Variants in FAM53B observed in about 807,000 individuals in gnomAD.
The protein encoded by FAM53B is protein FAM53B.
Under a neutral mutation model 32.7 loss-of-function variants are expected in FAM53B, and 12 were observed. The observed-to-expected ratio is 0.37, with a 90% CI of 0.24 to 0.59. The LOEUF (loss-of-function observed/expected upper bound fraction) is 0.59. FAM53B is among the 20% of genes least tolerant of loss of function. The pLI is 0.72. For missense variants in FAM53B, 477 were observed against 577.7 expected (o/e 0.83, Z 1.79); for synonymous variants, 234 against 228.7 (o/e 1.02, Z -0.21).
chr10:124,718,416 A>ACATCGC lies in FAM53B; in HGVS notation c.-174-11535_-174-11530dup, dbSNP rs531917940. Among the ~76,000 whole-genome samples the ACATCGC allele has an allele frequency of 2.0e-3, 304 of 152,204 alleles. 1 individual carries two copies. The highest frequency in any genetic ancestry group is 3.4e-3 in the Admixed American group (52 of 15,288). On this transcript the variant is annotated intron_variant, in intron 1 of 4. Transcript: ENST00000337318. ...CTTCCGCCTTCTCCCTTCTACCCCC[A>ACATCGC]CATCGCGCTGCAAGCTCCACCACAC...
chr10:124,728,355 T>C (rs1233246134), intron 1 of FAM53B, among the ~76,000 whole-genome samples: 2 of 152,226 alleles, frequency 1.3e-5, no homozygotes, highest in East Asian at 3.9e-4. Flanking sequence ...ACCCATTCTA[T>C]GGAGGAAACC....
chr10:124,673,950 C>T (rs575178585), intron 4 of FAM53B, among the ~76,000 whole-genome samples: 33 of 152,308 alleles, frequency 2.2e-4, no homozygotes, highest in African/African-American at 7.0e-4. Context: ...AGCAGGGCAA[C>T]GGGCTCACAG....
intron 1 of FAM53B, among the ~76,000 whole-genome samples, chr10:124,725,688 C>T (rs1404764739): frequency 4.6e-5 from 7 of 152,160 alleles, no homozygotes. Context: ...GGGTGGAAAC[C>T]GAGATGGACA....
At chr10:124,653,491 G>A (rs993017963) in intron 4 of FAM53B, among the ~76,000 whole-genome samples, 9 of 152,200 alleles carry the variant, frequency 5.9e-5, no homozygotes, top group African/African-American at 1.9e-4. Flanking sequence ...ACACTTTCAA[G>A]AGGTCTTGCA....
At chr10:124,634,746 G>A (rs1248505936) in intron 4 of FAM53B, among the ~76,000 whole-genome samples, 1 of 152,244 alleles carries the variant, frequency 6.6e-6, no homozygotes, top group Non-Finnish European at 1.5e-5. Flanking sequence ...ACACAGTTTT[G>A]TGGTTGCCAG....
At chr10:124,645,886 A>G (rs1346779018) in intron 4 of FAM53B, among the ~76,000 whole-genome samples, 1 of 152,250 alleles carries the variant, frequency 6.6e-6, no homozygotes, top group South Asian at 2.1e-4. Context: ...TACAGGTAAC[A>G]GGATGCCCTG....
intron 1 of FAM53B, among the ~76,000 whole-genome samples, chr10:124,717,446 T>C (rs1950044102): frequency 6.6e-6 from 1 of 152,264 alleles, no homozygotes; most frequent in African/African-American, 2.4e-5. Flanking sequence ...GAACAACTGC[T>C]ATGCTGGCCT....
intron 1 of FAM53B, among the ~76,000 whole-genome samples, chr10:124,722,320 T>A (rs1054591372): frequency 2.0e-5 from 3 of 152,178 alleles, no homozygotes; most frequent in African/African-American, 7.2e-5. Context: ...ATGTGTCAAT[T>A]TAAATTTTAA....
chr10:124,622,147 G>A lies in FAM53B; in HGVS notation c.*1095C>T, dbSNP rs1439377034. ...GACTGGGCTCCCCCTAAGCTGACAA[G>A]GGCGTGGGCTTGTCTTGAGGTGGGT... On this transcript the variant is annotated 3_prime_UTR_variant, in exon 5 of 5. Transcript: ENST00000337318. 6.6e-6 allele frequency: 1 copy of A among 152,216 alleles called. No homozygotes were observed. Among genetic ancestry groups the A allele is most frequent in the Non-Finnish European group, 1.5e-5 (1 of 68,044 alleles). The allele number at this position is 152,216 out of a possible 1,614,324, so 9.4% of individuals were successfully genotyped here.
intron 4 of FAM53B, among the ~76,000 whole-genome samples, chr10:124,628,272 C>T (rs955784676): frequency 2.0e-5 from 3 of 152,196 alleles, no homozygotes; most frequent in East Asian, 3.8e-4. Flanking sequence ...TCATGAGCTA[C>T]GGCCCCACAT....
At chr10:124,725,939 G>A (rs564543590) in intron 1 of FAM53B, among the ~76,000 whole-genome samples, 2 of 152,146 alleles carry the variant, frequency 1.3e-5, no homozygotes, top group African/African-American at 2.4e-5. Flanking sequence ...TCCTTGCTGG[G>A]GGGAACACTG....
chr10:124,682,496 T>G lies in FAM53B; in HGVS notation c.134-117A>C, dbSNP rs1949779948. 1.2e-6 allele frequency: 1 copy of G among 860,484 alleles called. No individual in the cohort carries two copies. 53.3% of individuals were successfully genotyped at this position (860,484 alleles called of 1,614,324 possible). ...CAGTATCTTAGAGCCAAAAGGCCCT[T>G]AGAAACCATCCAGTCCAACCTCATT... On this transcript the variant is annotated intron_variant, in intron 3 of 4. Coordinates refer to ENST00000337318, the MANE Select transcript of FAM53B (RefSeq NM_014661.4). The surrounding 1 kb of genome is among the most constrained non-coding windows in gnomAD (Gnocchi z 5.2).
At chr10:124,727,924 G>T (rs1034786849) in intron 1 of FAM53B, among the ~76,000 whole-genome samples, 6 of 152,142 alleles carry the variant, frequency 3.9e-5, no homozygotes. Flanking sequence ...ATGTTCCCAA[G>T]AAATTTAAAA....
At chr10:124,655,071 A>C (rs1949579681) in intron 4 of FAM53B, among the ~76,000 whole-genome samples, 1 of 152,128 alleles carries the variant, frequency 6.6e-6, no homozygotes, top group Non-Finnish European at 1.5e-5. Flanking sequence ...TGATGGCAAC[A>C]CAGATTTGAG....
rs569881233 is a variant in FAM53B at position 124,670,631 on chromosome 10, G to A, written c.906+10976C>T. Among the ~76,000 whole-genome samples the A allele has an allele frequency of 2.5e-3, 374 of 152,204 alleles. 3 individuals carry two copies. Among genetic ancestry groups the A allele is most frequent in the African/African-American group, 8.7e-3 (361 of 41,524 alleles). On this transcript the variant is annotated intron_variant, in intron 4 of 4. Transcript: ENST00000337318. ...CTCACCACACCCACTCCCACCTCTG[G>A]GGCTTGCCTTCCCTCTACTCAGGAC...
At chr10:124,699,158 C>T (rs528392410) in intron 2 of FAM53B, among the ~76,000 whole-genome samples, 8 of 152,350 alleles carry the variant, frequency 5.3e-5, no homozygotes, top group African/African-American at 1.9e-4. Flanking sequence ...ATCAGAACAT[C>T]TGTTCCTGTA....
chr10:124,679,370 C>T (rs548319317), intron 4 of FAM53B, among the ~76,000 whole-genome samples: 36 of 152,294 alleles, frequency 2.4e-4, no homozygotes, highest in African/African-American at 8.4e-4. Flanking sequence ...AGCAACATGC[C>T]CAGCTCATCA....
At chr10:124,664,668 C>G (rs1949657375) in intron 4 of FAM53B, among the ~76,000 whole-genome samples, 1 of 152,236 alleles carries the variant, frequency 6.6e-6, no homozygotes. Context: ...GCCCTCAGTA[C>G]TCATGCTCAG....
intron 4 of FAM53B, among the ~76,000 whole-genome samples, chr10:124,680,676 A>G (rs376850447): frequency 6.6e-6 from 1 of 152,188 alleles, no homozygotes; most frequent in South Asian, 2.1e-4. Flanking sequence ...TTCGTCAACA[A>G]GAAGATCTTT....
Sources: gnomAD v4.1 joint callset for allele counts (sites outside exome capture counted in the v4.1 genomes callset) on GRCh38, gnomAD v4.1.1 for gene constraint, Gnocchi (gnomAD v3.1) non-coding constraint, MANE v1.5 for transcripts, NCBI Gene and HGNC (gene_info 2026-07-23, HGNC 2026-07-21) for gene names.